The following MARCHF2 variants were observed in gnomAD, a reference collection of about 807,000 sequenced individuals.
MARCHF2 encodes the protein E3 ubiquitin-protein ligase MARCHF2.
In MARCHF2, 22 loss-of-function variants were observed where a neutral mutation model predicts 24.0. The observed-to-expected ratio is 0.92, with a 90% CI of 0.66 to 1.31. The LOEUF is 1.31. Ranked by LOEUF, MARCHF2 falls within the 50% of genes most tolerant of loss-of-function variation. The pLI is 0.00. For missense variants in MARCHF2, 301 were observed against 335.3 expected (o/e 0.90, Z 0.80); for synonymous variants, 154 against 153.0 (o/e 1.01, Z -0.05).
intron 3 of MARCHF2, among the ~76,000 whole-genome samples, chr19:8,428,957 C>T (rs996949560): frequency 1.9e-4 from 27 of 144,850 alleles, no homozygotes; most frequent in Non-Finnish European, 3.0e-4. Context: ...AACAAAAACC[C>T]TAGAAAAGCC....
At position 8,430,487 on chromosome 19, in the gene MARCHF2, A is replaced by T. The variant is rs1364473850; in HGVS notation, c.373-171A>T. On this transcript the variant is annotated intron_variant, in intron 3 of 4. Transcript: ENST00000215555. The surrounding 1 kb of genome is among the most constrained non-coding windows in gnomAD (Gnocchi z 4.4). ...AAGGTCGAGGTTGCAGTGAGCCGAG[A>T]TCACACCATTGCACTCCATCCTGGG... Among the ~76,000 whole-genome samples, 1 of 151,178 alleles carries T rather than the reference A, an allele frequency of 6.6e-6. No individual in the cohort carries two copies. The highest frequency in any genetic ancestry group is 1.5e-5 in the Non-Finnish European group (1 of 67,730).
intron 1 of MARCHF2, 44 bp from the exon 2 acceptor site, chr19:8,421,745 G>A: frequency 8.7e-7 from 1 of 1,144,692 alleles, no homozygotes. Context: ...AGTCCGTCAG[G>A]CTCATTAACC....
chr19:8,428,680 A>ACC (rs1967487764), intron 3 of MARCHF2, among the ~76,000 whole-genome samples: 1 of 147,368 alleles, frequency 6.8e-6, no homozygotes, highest in Non-Finnish European at 1.5e-5. Context: ...AAAAAAAAAA[A>ACC]AAACCAAGGC....
At chr19:8,419,560 T>C (rs1473329132) in intron 1 of MARCHF2, among the ~76,000 whole-genome samples, 1 of 151,590 alleles carries the variant, frequency 6.6e-6, no homozygotes, top group Non-Finnish European at 1.5e-5. Context: ...CTCACACCTG[T>C]AATCCCAGCA....
chr19:8,424,499 CTACAAAAAA>C (rs2145551249), intron 2 of MARCHF2, among the ~76,000 whole-genome samples: 1 of 152,092 alleles, frequency 6.6e-6, no homozygotes, highest in East Asian at 1.9e-4. Context: ...AACCCCGTCT[CTACAAAAAA>C]TACAAAAAAT....
At chr19:8,419,063 A>G (rs553689422) in intron 1 of MARCHF2, among the ~76,000 whole-genome samples, 14 of 151,980 alleles carry the variant, frequency 9.2e-5, no homozygotes, top group Non-Finnish European at 1.6e-4. Flanking sequence ...TGTTTCTTCA[A>G]TGAAATTCTC....
At position 8,421,969 on chromosome 19, in the gene MARCHF2, G is replaced by A. The variant is rs1201386487; in HGVS notation, c.129G>A (p.Arg43=). 1 of 1,613,384 alleles carries A rather than the reference G, an allele frequency of 6.2e-7. No individual in the cohort carries two copies. ...PPQYVAQVTS[R]DGRLLSTVIR... ...AGTATGTGGCACAGGTGACTTCAAG[G>A]GATGGCCGGCTCCTCTCCACCGTCA... The change falls in exon 2 of 5, where the codon AGG becomes AGA. Residue 43 remains arginine, a synonymous_variant. Coordinates refer to ENST00000215555, the MANE Select transcript of MARCHF2 (RefSeq NM_001005415.2).
intron 2 of MARCHF2, among the ~76,000 whole-genome samples, chr19:8,425,172 G>A (rs1055938862): frequency 5.9e-5 from 9 of 151,932 alleles, no homozygotes; most frequent in South Asian, 2.1e-4. Context: ...TCAGGAGATT[G>A]AGACCATCCT....
At chr19:8,427,998 T>C (rs538603498) in intron 3 of MARCHF2, among the ~76,000 whole-genome samples, 13 of 151,846 alleles carry the variant, frequency 8.6e-5, no homozygotes, top group Admixed American at 3.3e-4. Flanking sequence ...CGGTGGCTCA[T>C]GCCTGTAATC....
intron 2 of MARCHF2, among the ~76,000 whole-genome samples, chr19:8,424,697 T>C (rs914560566): frequency 1.3e-5 from 2 of 151,816 alleles, no homozygotes; most frequent in Non-Finnish European, 2.9e-5. Flanking sequence ...TACCTTTCCC[T>C]GTCTCTTGGC....
chr19:8,426,805 G>T lies in MARCHF2; in HGVS notation c.372+1G>T. 1.2e-6 allele frequency: 2 copies of T among 1,611,886 alleles called. No homozygotes were observed. The highest frequency in any genetic ancestry group is 1.7e-6 in the Non-Finnish European group (2 of 1,179,858). On this transcript the variant is annotated splice_donor_variant, in intron 3 of 4. Coordinates refer to ENST00000215555, the MANE Select transcript of MARCHF2 (RefSeq NM_001005415.2). LOFTEE classifies it high-confidence loss of function. Reference sequence around the variant, plus strand: ...GAAACGGCCTCGACCCCTCACAGAGGTACCCTTAAGAGTCTGAGACTGCGG... The same window carrying T: ...GAAACGGCCTCGACCCCTCACAGAGTTACCCTTAAGAGTCTGAGACTGCGG...
At chr19:8,421,359 T>C (rs1026117678) in intron 1 of MARCHF2, among the ~76,000 whole-genome samples, 1 of 150,514 alleles carries the variant, frequency 6.6e-6, no homozygotes, top group Non-Finnish European at 1.5e-5. Context: ...CTTTTCTTTT[T>C]TTTTTACTTT....
intron 1 of MARCHF2, among the ~76,000 whole-genome samples, chr19:8,416,406 A>G (rs577649504): frequency 3.4e-4 from 52 of 151,670 alleles, no homozygotes; most frequent in Admixed American, 3.3e-4. Context: ...TGGGCTAGAC[A>G]GAGGGCCAGG....
intron 4 of MARCHF2, among the ~76,000 whole-genome samples, chr19:8,431,496 TCAAAA>T (rs1967582478): frequency 1.6e-4 from 1 of 6,314 alleles, no homozygotes; most frequent in African/African-American, 7.4e-4. Context: ...AAACTCGATC[TCAAAA>T]AAAAAAAAAA....
intron 1 of MARCHF2, among the ~76,000 whole-genome samples, chr19:8,414,424 G>A (rs1049118710): frequency 2.6e-5 from 4 of 151,936 alleles, no homozygotes; most frequent in African/African-American, 4.8e-5. Flanking sequence ...CCCCGCCACC[G>A]TGCCTGGCCA....
chr19:8,424,869 A>C (rs1338499218), intron 2 of MARCHF2, among the ~76,000 whole-genome samples: 1 of 152,064 alleles, frequency 6.6e-6, no homozygotes, highest in African/African-American at 2.4e-5. Flanking sequence ...GTATCATACA[A>C]GCCTGAGTTG....
Position 8,438,748 on chromosome 19 carries a change from T to G in MARCHF2, c.*202T>G. The G allele has an allele frequency of 1.8e-6, 1 of 551,652 alleles. No homozygotes were observed. The highest frequency in any genetic ancestry group is 3.1e-6 in the Non-Finnish European group (1 of 321,452). The allele number at this position is 551,652 out of a possible 1,614,324, so 34.2% of individuals were successfully genotyped here. On this transcript the variant is annotated 3_prime_UTR_variant, in exon 5 of 5. Transcript: ENST00000215555. Reference sequence around the variant, plus strand: ...TTCAGGGTTTTTTTTTTTTTTTTTTTGCATATGGAGGACAGGTGGACATGG... The same window carrying G: ...TTCAGGGTTTTTTTTTTTTTTTTTTGGCATATGGAGGACAGGTGGACATGG...
At position 8,421,817 on chromosome 19, in the gene MARCHF2, G is replaced by A. The variant is rs908001789; in HGVS notation, c.-24G>A. 4 of 1,587,826 alleles carry A rather than the reference G, an allele frequency of 2.5e-6. No homozygotes were observed. Among genetic ancestry groups the A allele is most frequent in the African/African-American group, 1.3e-5 (1 of 74,356 alleles). On this transcript the variant is annotated 5_prime_UTR_variant, in exon 2 of 5. The change abolishes the stop of an existing upstream ORF in the 5' untranslated region. Transcript: ENST00000215555. The stretch of plus-strand genomic sequence containing the variant: ...CCTGGAACCATGGGCCTCAGGCCCT[G>A]AGGATACGGGGCTCCCGGTGGCCAT...
At chr19:8,431,930 G>A (rs1967597613) in intron 4 of MARCHF2, among the ~76,000 whole-genome samples, 1 of 152,030 alleles carries the variant, frequency 6.6e-6, no homozygotes, top group African/African-American at 2.4e-5. Context: ...GCTGAGGCAG[G>A]CGGATTCCTT....
Sources: allele counts gnomAD v4.1 joint callset (sites outside exome capture counted in the v4.1 genomes callset), GRCh38; gene constraint gnomAD v4.1.1; non-coding constraint Gnocchi (gnomAD v3.1); transcripts MANE v1.5; gene names NCBI Gene and HGNC (gene_info 2026-07-23, HGNC 2026-07-21).